The following COL23A1 variants were observed in gnomAD, a reference collection of about 807,000 sequenced individuals.
COL23A1 encodes collagen type XXIII alpha 1 chain.
A neutral mutation model predicts 99.3 loss-of-function variants in COL23A1; 97 were observed. The observed-to-expected ratio is 0.98, with a 90% CI of 0.83 to 1.16. The LOEUF (loss-of-function observed/expected upper bound fraction) is 1.16. Ranked by LOEUF, COL23A1 falls within the 50% of genes most tolerant of loss-of-function variation. COL23A1 has a pLI of 0.00. For synonymous variants in COL23A1, 320 were observed against 308.2 expected (o/e 1.04, Z -0.40); for missense variants, 762 against 757.4 (o/e 1.01, Z -0.07).
At chr5:178,393,971 G>C (rs1764099765) in intron 2 of COL23A1, among the ~76,000 whole-genome samples, 1 of 152,150 alleles carries the variant, frequency 6.6e-6, no homozygotes, top group South Asian at 2.1e-4. Context: ...CAAGGAGTGG[G>C]GAGGACCCAC....
intron 2 of COL23A1, among the ~76,000 whole-genome samples, chr5:178,341,095 C>A (rs897867704): frequency 1.3e-5 from 2 of 152,130 alleles, no homozygotes; most frequent in African/African-American, 4.8e-5. Flanking sequence ...CTGCATCCCC[C>A]CACTCCCTGT....
intron 2 of COL23A1, among the ~76,000 whole-genome samples, chr5:178,380,977 C>A (rs1394407050): frequency 6.6e-6 from 1 of 152,224 alleles, no homozygotes; most frequent in Non-Finnish European, 1.5e-5. Flanking sequence ...TCTAGCTAGG[C>A]CCATTCCGAT....
chr5:178,250,394 A>G (rs899196266), intron 17 of COL23A1, among the ~76,000 whole-genome samples: 1 of 152,246 alleles, frequency 6.6e-6, no homozygotes, highest in Non-Finnish European at 1.5e-5. Context: ...TGCCGGGACC[A>G]GATCTGCCTG....
intron 2 of COL23A1, 147 bp downstream of exon 2, chr5:178,560,535 T>A: frequency 1.6e-6 from 1 of 621,388 alleles, no homozygotes. Context: ...CCTGCCAGGG[T>A]CAATGTGGGA....
intron 2 of COL23A1, among the ~76,000 whole-genome samples, chr5:178,442,773 C>A (rs1766946451): frequency 1.3e-5 from 2 of 152,216 alleles, no homozygotes; most frequent in Admixed American, 1.3e-4. Context: ...TGTACTCCCC[C>A]TCGCCACCCC....
chr5:178,435,632 C>T (rs986547465), intron 2 of COL23A1, among the ~76,000 whole-genome samples: 2 of 152,084 alleles, frequency 1.3e-5, no homozygotes, highest in Admixed American at 6.6e-5. Flanking sequence ...GTGGGCTTCC[C>T]GGGCAGCTGC....
intron 3 of COL23A1, among the ~76,000 whole-genome samples, chr5:178,296,954 C>A (rs139280912): frequency 6.6e-6 from 1 of 152,210 alleles, no homozygotes; most frequent in African/African-American, 2.4e-5. Context: ...GCCAGAGGGG[C>A]GTTTACAAAA....
chr5:178,458,023 G>A (rs1383432417), intron 2 of COL23A1, among the ~76,000 whole-genome samples: 5 of 152,160 alleles, frequency 3.3e-5, no homozygotes, highest in Non-Finnish European at 4.4e-5. Context: ...GATAAGGTCA[G>A]TCTGGACCAT....
At chr5:178,501,644 G>A (rs1170386615) in intron 2 of COL23A1, among the ~76,000 whole-genome samples, 1 of 152,086 alleles carries the variant, frequency 6.6e-6, no homozygotes, top group Non-Finnish European at 1.5e-5. Flanking sequence ...GGGCATCCTG[G>A]TATGATAGAG....
intron 2 of COL23A1, among the ~76,000 whole-genome samples, chr5:178,354,269 C>T (rs62389377): frequency 0.05 from 7,567 of 152,186 alleles, 236 homozygotes; most frequent in East Asian, 0.11. Context: ...GGAGTGCAAT[C>T]GTGATCATAG....
At chr5:178,423,350 G>A (rs1581362882) in intron 2 of COL23A1, among the ~76,000 whole-genome samples, 2 of 152,082 alleles carry the variant, frequency 1.3e-5, no homozygotes, top group Non-Finnish European at 2.9e-5. Flanking sequence ...TGGTAATCCT[G>A]GCAGCAGGAG....
At chr5:178,582,019 T>C (rs1026109059) in intron 1 of COL23A1, among the ~76,000 whole-genome samples, 3 of 151,752 alleles carry the variant, frequency 2.0e-5, no homozygotes, top group Non-Finnish European at 4.4e-5. Flanking sequence ...AATCAAGACA[T>C]AGCTTGGTTA....
intron 2 of COL23A1, among the ~76,000 whole-genome samples, chr5:178,430,506 G>T (rs1766201322): frequency 6.6e-6 from 1 of 152,124 alleles, no homozygotes; most frequent in South Asian, 2.1e-4. Flanking sequence ...TCTTCCTAGG[G>T]GCTGCCAATA....
chr5:178,424,632 G>C (rs971623269), intron 2 of COL23A1, among the ~76,000 whole-genome samples: 6 of 152,214 alleles, frequency 3.9e-5, no homozygotes, highest in Admixed American at 3.9e-4. Context: ...CGGTTCTGCA[G>C]GTCAGGACTA....
At chr5:178,542,252 C>A (rs753878054) in intron 2 of COL23A1, among the ~76,000 whole-genome samples, 3 of 152,176 alleles carry the variant, frequency 2.0e-5, no homozygotes, top group Non-Finnish European at 4.4e-5. Context: ...CGGGGTTTTG[C>A]CACGTTGGCC....
chr5:178,576,696 C>T (rs1763379433), intron 1 of COL23A1, among the ~76,000 whole-genome samples: 1 of 152,132 alleles, frequency 6.6e-6, no homozygotes, highest in Admixed American at 6.5e-5. Flanking sequence ...CTCTCCTCCC[C>T]ACGGCCGCGG....
chr5:178,403,814 C>T (rs1302964199), intron 2 of COL23A1, among the ~76,000 whole-genome samples: 1 of 152,244 alleles, frequency 6.6e-6, no homozygotes. Flanking sequence ...TGCTTTTACG[C>T]AAACACCTTG....
Position 178,502,673 on chromosome 5 carries a change from G to A in COL23A1, c.361+58009C>T, listed in dbSNP as rs376193471. ...GAAGTCTTGTTCACTGCAAATGAAC[G>A]TTAGGATGTTTGGAAAACATTTTGG... On this transcript the variant is annotated intron_variant, in intron 2 of 28. Coordinates refer to ENST00000390654, the MANE Select transcript of COL23A1 (RefSeq NM_173465.4). Among the ~76,000 whole-genome samples, 79 of 152,332 alleles carry A rather than the reference G, an allele frequency of 5.2e-4. 1 individual carries two copies. In the Middle Eastern group the frequency reaches 0.027, roughly 52 times the overall value.
intron 3 of COL23A1, 100 bp from the exon 4 acceptor site, chr5:178,290,469 G>A: frequency 6.8e-7 from 1 of 1,470,714 alleles, no homozygotes; most frequent in Non-Finnish European, 9.5e-7. Flanking sequence ...CACGGCTCCT[G>A]GCCACCTCTC....
Sources: gnomAD v4.1 joint callset for allele counts (sites outside exome capture counted in the v4.1 genomes callset) on GRCh38, gnomAD v4.1.1 for gene constraint, MANE v1.5 for transcripts, NCBI Gene and HGNC (gene_info 2026-07-23, HGNC 2026-07-21) for gene names.